UGP2: variants seen among roughly 807,000 people sequenced by gnomAD.
The protein encoded by UGP2 is UDP-glucose pyrophosphorylase 2, also known as UTP--glucose-1-phosphate uridylyltransferase.
In UGP2, 40 loss-of-function variants were observed where a neutral mutation model predicts 49.0. That is an observed-to-expected ratio of 0.82 (90% CI 0.63 to 1.06). UGP2 has a LOEUF of 1.06. Among genes scored for constraint, UGP2 ranks in the 50% least tolerant of loss-of-function variants. The probability of loss-of-function intolerance (pLI) is 0.00; values close to 1 mark genes in which losing one functional copy is unlikely to be tolerated. For synonymous variants in UGP2, 225 were observed against 213.0 expected, an observed-to-expected ratio of 1.06 and a Z score of -0.49; for missense variants, 460 against 603.5, an observed-to-expected ratio of 0.76 and a Z score of 2.49.
intron 3 of UGP2, among the ~76,000 whole-genome samples, chr2:63,881,074 G>C (rs1198381382): frequency 6.6e-6 from 1 of 152,300 alleles, no homozygotes; most frequent in South Asian, 2.1e-4. Flanking sequence ...TTGGAGAAGA[G>C]TGCTTCATGT....
rs930564634 is a variant in UGP2 at position 63,877,962 on chromosome 2, C to T, written c.256-4504C>T. ...GAGCCGAGATTGCGCCACTGCAGTCCGCAGTCCGGCCTGGGCGACAGAGCG... is the reference window on the plus strand; with the variant it reads ...GAGCCGAGATTGCGCCACTGCAGTCTGCAGTCCGGCCTGGGCGACAGAGCG... On this transcript the variant is annotated intron_variant, in intron 3 of 9. Coordinates refer to ENST00000337130, the MANE Select transcript of UGP2 (RefSeq NM_006759.4). 1.1e-4 allele frequency among the ~76,000 whole-genome samples: 14 copies of T among 126,458 alleles called. No homozygotes were observed. In the South Asian group the frequency reaches 1.6e-3, roughly 14 times the overall value. The allele number at this position is 126,458 out of a possible 152,430, so 83.0% of individuals were successfully genotyped here.
rs1314264892 is a variant in UGP2, at chr2:63,884,009, CTT to C, written c.494_495del (p.Phe165Ter). On this transcript the variant is annotated frameshift_variant, in exon 5 of 10. Transcript: ENST00000337130. LOFTEE classifies it high-confidence loss of function. ...GATGTTCCTCTTGTTTTAATGAACT[CTT>C]TTAACACGGATGAAGATACCAAAAA... is the stretch of plus-strand genomic sequence containing the variant. The C allele has an allele frequency of 4.3e-6, 7 of 1,613,136 alleles. No homozygotes were observed. The highest frequency in any genetic ancestry group is 2.2e-5 in the East Asian group (1 of 44,788).
rs550122203 is a variant in UGP2, at chr2:63,841,916, C to T, written c.-270C>T. Reference sequence around the variant, plus strand: ...TTTCCGGGAGTCTCCAGCTGGCCCTCATTTGTGTCCGGAGCTCAGGAGTTC... The same window carrying T: ...TTTCCGGGAGTCTCCAGCTGGCCCTTATTTGTGTCCGGAGCTCAGGAGTTC... On this transcript the variant is annotated 5_prime_UTR_variant, in exon 1 of 10. Transcript: ENST00000337130. 13 of 410,638 alleles carry T rather than the reference C, an allele frequency of 3.2e-5. No individual in the cohort carries two copies. Among genetic ancestry groups the T allele is most frequent in the African/African-American group, 2.7e-4 (13 of 48,896 alleles). 25.4% of individuals were successfully genotyped at this position (410,638 alleles called of 1,614,324 possible).
At chr2:63,887,818 C>A in intron 8 of UGP2, 174 bp downstream of exon 8, 1 of 862,724 alleles carries the variant, frequency 1.2e-6, no homozygotes, top group Non-Finnish European at 1.7e-6. Flanking sequence ...TTTTACTTCA[C>A]ATTTGAAACA....
rs1671588158 is a variant in UGP2 at position 63,842,126 on chromosome 2, G to A, written c.-60G>A. 28 of 1,555,888 alleles carry A rather than the reference G, an allele frequency of 1.8e-5. No homozygotes were observed. Among genetic ancestry groups the A allele is most frequent in the Non-Finnish European group, 2.3e-5 (27 of 1,160,706 alleles). On this transcript the variant is annotated 5_prime_UTR_variant, in exon 1 of 10. Transcript: ENST00000337130. The stretch of plus-strand genomic sequence containing the variant: ...CAGGAGAGGAAGAGAGACCTGCCCT[G>A]TAGCGTGACTCCTCTAGAAAAAAAA...
At chr2:63,851,429 A>G (rs939555488) in intron 1 of UGP2, among the ~76,000 whole-genome samples, 2 of 152,226 alleles carry the variant, frequency 1.3e-5, no homozygotes, top group Admixed American at 6.5e-5. Flanking sequence ...CAGTTGTGGT[A>G]GAAAGAAAGG....
rs34467113 is a variant in UGP2 at position 63,881,348 on chromosome 2, TACACAC to T, written c.256-1093_256-1088del. Among the ~76,000 whole-genome samples, 33 of 145,922 alleles carry T rather than the reference TACACAC, an allele frequency of 2.3e-4. 1 individual carries two copies. In the Middle Eastern group the frequency reaches 0.014, roughly 61 times the overall value. Reference sequence around the variant, plus strand: ...TTCTTTCCCAGTCACACCTACCCATTACACACACACACACACACACACACACACACG... The same window carrying T: ...TTCTTTCCCAGTCACACCTACCCATTACACACACACACACACACACACACG... On this transcript the variant is annotated intron_variant, in intron 3 of 9. Transcript: ENST00000337130.
intron 3 of UGP2, among the ~76,000 whole-genome samples, chr2:63,874,514 G>A (rs1333356176): frequency 2.6e-5 from 4 of 152,168 alleles, no homozygotes; most frequent in African/African-American, 9.7e-5. Flanking sequence ...CAAGGAGCAG[G>A]CAGAAAGAGG....
chr2:63,846,753 A>G (rs36099158), intron 1 of UGP2, among the ~76,000 whole-genome samples: 27,009 of 152,102 alleles, frequency 0.18, 3,193 homozygotes, highest in Non-Finnish European at 0.24. Flanking sequence ...AAATCCTAAA[A>G]CCAAATTTAG....
intron 1 of UGP2, among the ~76,000 whole-genome samples, chr2:63,845,841 A>G (rs1575797202): frequency 1.3e-5 from 2 of 152,314 alleles, no homozygotes; most frequent in South Asian, 2.1e-4. Flanking sequence ...ATTGTGCCTT[A>G]GAGGAAAGCT....
chr2:63,887,816 C>G (rs1671794200), intron 8 of UGP2, 172 bp downstream of exon 8: 5 of 906,420 alleles, frequency 5.5e-6, no homozygotes, highest in Admixed American at 3.0e-5. Context: ...TATTTTACTT[C>G]ACATTTGAAA....
At chr2:63,849,608 T>C (rs1668908711) in intron 1 of UGP2, among the ~76,000 whole-genome samples, 1 of 152,218 alleles carries the variant, frequency 6.6e-6, no homozygotes, top group Admixed American at 6.5e-5. Context: ...ATTATTCTAA[T>C]TGTAGTTTTA....
intron 6 of UGP2, 134 bp from the exon 7 acceptor site, chr2:63,886,207 G>A (rs1182317190): frequency 2.2e-6 from 2 of 918,540 alleles, no homozygotes; most frequent in Non-Finnish European, 3.3e-6. Flanking sequence ...TTATTTCATT[G>A]TCCCTTTTAT....
chr2:63,884,926 G>C (rs1055390608), intron 5 of UGP2, among the ~76,000 whole-genome samples: 1 of 141,342 alleles, frequency 7.1e-6, no homozygotes, highest in African/African-American at 2.6e-5. Flanking sequence ...AAATAAAAAA[G>C]AAGGACATTT....
intron 3 of UGP2, chr2:63,862,858 G>A: frequency 2.2e-6 from 1 of 456,284 alleles, no homozygotes; most frequent in South Asian, 1.6e-5. Flanking sequence ...AACAAGAAGG[G>A]AGATACAAGA....
chr2:63,887,846 G>A, intron 8 of UGP2: 1 of 693,962 alleles, frequency 1.4e-6, no homozygotes, highest in East Asian at 3.1e-5. Context: ...CATATGGAGA[G>A]TAGAAAATAA....
intron 7 of UGP2, 59 bp from the exon 8 acceptor site, chr2:63,887,343 A>G: frequency 6.3e-7 from 1 of 1,599,242 alleles, no homozygotes; most frequent in Non-Finnish European, 8.5e-7. Context: ...CCTACATGGA[A>G]CTAAGTTGTA....
intron 3 of UGP2, among the ~76,000 whole-genome samples, chr2:63,863,879 G>A (rs1427138045): frequency 6.6e-6 from 1 of 152,182 alleles, no homozygotes; most frequent in Non-Finnish European, 1.5e-5. Context: ...ATGGAAAGAA[G>A]TAGAAGTAGG....
At chr2:63,873,505 T>A (rs1024828618) in intron 3 of UGP2, among the ~76,000 whole-genome samples, 1 of 152,138 alleles carries the variant, frequency 6.6e-6, no homozygotes, top group Admixed American at 6.5e-5. Flanking sequence ...GGTGAACTAG[T>A]CTGAAAGAGG....
Sources: allele counts gnomAD v4.1 joint callset (sites outside exome capture counted in the v4.1 genomes callset), GRCh38; gene constraint gnomAD v4.1.1; transcripts MANE v1.5; gene names NCBI Gene and HGNC (gene_info 2026-07-23, HGNC 2026-07-21).